Variants in SEC61A2 observed in about 807,000 individuals in gnomAD.
SEC61A2 encodes SEC61 translocon subunit alpha 2.
Under a neutral mutation model 59.9 loss-of-function variants are expected in SEC61A2, and 28 were observed. That is an observed-to-expected ratio of 0.47 (90% CI 0.35 to 0.64). The LOEUF is 0.64. Among genes scored for constraint, SEC61A2 ranks in the 30% least tolerant of loss-of-function variants. The probability of loss-of-function intolerance (pLI) is 0.01; values close to 1 mark genes in which losing one functional copy is unlikely to be tolerated. For synonymous variants in SEC61A2, 202 were observed against 214.4 expected, an observed-to-expected ratio of 0.94 and a Z score of 0.50; for missense variants, 340 against 585.9, an observed-to-expected ratio of 0.58 and a Z score of 4.33.
At chr10:12,144,941 T>C (rs1439087718) in intron 4 of SEC61A2, among the ~76,000 whole-genome samples, 3 of 151,600 alleles carry the variant, frequency 2.0e-5, no homozygotes, top group Non-Finnish European at 2.9e-5. Flanking sequence ...CCCAGCTACT[T>C]GGGAGGCTGA....
In SEC61A2 at chr10:12,143,266, A is replaced by C; in HGVS notation, c.220+71A>C. ...GATGGAAACATGTGGATTAGCAATG[A>C]GTTTTCAATGTCTACAGGGAGGGGG... On this transcript the variant is annotated intron_variant, in intron 4 of 11. Coordinates refer to ENST00000298428, the MANE Select transcript of SEC61A2 (RefSeq NM_018144.4). This position sits in a 1 kb window ranked among gnomAD's most constrained non-coding sequence, Gnocchi z 4.8. 9.0e-7 allele frequency: 1 copy of C among 1,105,654 alleles called. No homozygotes were observed. The highest frequency in any genetic ancestry group is 1.5e-5 in the African/African-American group (1 of 65,234). The allele number at this position is 1,105,654 out of a possible 1,614,324, so 68.5% of individuals were successfully genotyped here.
intron 8 of SEC61A2, among the ~76,000 whole-genome samples, 179 bp from the exon 9 acceptor site, chr10:12,157,729 C>T (rs1355769541): frequency 6.6e-6 from 1 of 152,126 alleles, no homozygotes; most frequent in Non-Finnish European, 1.5e-5. Context: ...TCTCGATCTC[C>T]TGACCTCGTG....
rs150464336 is a variant in SEC61A2, at chr10:12,150,571, T to G, written c.462+610T>G. On this transcript the variant is annotated intron_variant, in intron 6 of 11. Transcript: ENST00000298428. ...GTTTTTGTAAGTAGAAAATTAAAAT[T>G]CTTTGCAATAAGGTATTGTGCCATA... Among the ~76,000 whole-genome samples the G allele has an allele frequency of 1.9e-3, 290 of 152,370 alleles. 3 individuals are homozygous for G. The highest frequency in any genetic ancestry group is 6.6e-3 in the African/African-American group (273 of 41,582).
intron 3 of SEC61A2, among the ~76,000 whole-genome samples, chr10:12,139,104 G>A (rs9664990): frequency 0.17 from 25,362 of 151,988 alleles, 2,237 homozygotes; most frequent in Non-Finnish European, 0.2. Flanking sequence ...TGGGATTTCA[G>A]GCACGTGCTA....
Position 12,145,023 on chromosome 10 carries a change from G to A in SEC61A2, c.220+1828G>A, listed in dbSNP as rs910767820. Among the ~76,000 whole-genome samples, 2 of 151,876 alleles carry A rather than the reference G, an allele frequency of 1.3e-5. No homozygotes were observed. Among genetic ancestry groups the A allele is most frequent in the African/African-American group, 2.4e-5 (1 of 41,362 alleles). On this transcript the variant is annotated intron_variant, in intron 4 of 11. Coordinates refer to ENST00000298428, the MANE Select transcript of SEC61A2 (RefSeq NM_018144.4). The surrounding 1 kb of genome is among the most constrained non-coding windows in gnomAD (Gnocchi z 4.4). ...GAGATCACGCCACTGCACTCTAGCC[G>A]GGGCGACACAACCAGACCCTGTCTC...
chr10:12,161,377 G>A lies in SEC61A2; in HGVS notation c.1167+256G>A, dbSNP rs1027621153. Among the ~76,000 whole-genome samples, 6 of 152,198 alleles carry A rather than the reference G, an allele frequency of 3.9e-5. No homozygotes were observed. Among genetic ancestry groups the A allele is most frequent in the Non-Finnish European group, 8.8e-5 (6 of 68,036 alleles). ...GAGCAGTAACGCTTGAGTCCGGGAGGTGGAGGTTGCAGTGAGCCAAGATTG... is the reference window on the plus strand; with the variant it reads ...GAGCAGTAACGCTTGAGTCCGGGAGATGGAGGTTGCAGTGAGCCAAGATTG... On this transcript the variant is annotated intron_variant, in intron 10 of 11. Transcript: ENST00000298428. This position sits in a 1 kb window ranked among gnomAD's most constrained non-coding sequence, Gnocchi z 5.4.
chr10:12,143,969 C>T lies in SEC61A2; in HGVS notation c.220+774C>T, dbSNP rs2131660204. ...ACTTCAGCCTCCTGAGTAGCTGGGA[C>T]TACTGGTGCGTGCCACAATGCCTGG... On this transcript the variant is annotated intron_variant, in intron 4 of 11. Coordinates refer to ENST00000298428, the MANE Select transcript of SEC61A2 (RefSeq NM_018144.4). This position sits in a 1 kb window ranked among gnomAD's most constrained non-coding sequence, Gnocchi z 4.8. 6.6e-6 allele frequency among the ~76,000 whole-genome samples: 1 copy of T among 152,208 alleles called. No homozygotes were observed. Among genetic ancestry groups the T allele is most frequent in the South Asian group, 2.1e-4 (1 of 4,822 alleles).
downstream of SEC61A2, among the ~76,000 whole-genome samples, chr10:12,168,865 C>T (rs145605213): frequency 2.0e-4 from 31 of 152,182 alleles, no homozygotes; most frequent in African/African-American, 2.4e-4. This position sits in a 1 kb window ranked among gnomAD's most constrained non-coding sequence, Gnocchi z 4.8. Context: ...CGGGTTCAAG[C>T]GATTCTCCTG....
At chr10:12,159,831 A>C (rs898191974) in intron 9 of SEC61A2, among the ~76,000 whole-genome samples, 3 of 136,642 alleles carry the variant, frequency 2.2e-5, no homozygotes, top group Non-Finnish European at 5.1e-5. Context: ...CATTTGTCTT[A>C]ATATGCTTTT....
At position 12,153,540 on chromosome 10, in the gene SEC61A2, G is replaced by C. The variant is rs1477672535; in HGVS notation, c.463-2238G>C. ...TAAAATAGAGTTAAGCTATTTTGCT[G>C]TTCATTTTCAGTATTCAGAAATCAG... is the stretch of plus-strand genomic sequence containing the variant. On this transcript the variant is annotated intron_variant, in intron 6 of 11. Coordinates refer to ENST00000298428, the MANE Select transcript of SEC61A2 (RefSeq NM_018144.4). This position sits in a 1 kb window ranked among gnomAD's most constrained non-coding sequence, Gnocchi z 5.2. 1.3e-5 allele frequency among the ~76,000 whole-genome samples: 2 copies of C among 152,162 alleles called. No individual in the cohort carries two copies. The highest frequency in any genetic ancestry group is 2.9e-5 in the Non-Finnish European group (2 of 68,036).
intron 11 of SEC61A2, among the ~76,000 whole-genome samples, chr10:12,163,397 T>C (rs1347750907): frequency 6.9e-6 from 1 of 145,936 alleles, no homozygotes; most frequent in African/African-American, 2.5e-5. Context: ...CCGTCTTGGC[T>C]CACTGCAACC....
chr10:12,145,702 C>G lies in SEC61A2; in HGVS notation c.220+2507C>G, dbSNP rs368480224. ...CGTAGATGTGATGATTGGATCTTCACGCTCGTGTGTGAGATGTGCCTCTCT... is the reference window on the plus strand; with the variant it reads ...CGTAGATGTGATGATTGGATCTTCAGGCTCGTGTGTGAGATGTGCCTCTCT... On this transcript the variant is annotated intron_variant, in intron 4 of 11. Transcript: ENST00000298428. This position sits in a 1 kb window ranked among gnomAD's most constrained non-coding sequence, Gnocchi z 4.4. Among the ~76,000 whole-genome samples the G allele has an allele frequency of 3.3e-5, 5 of 152,154 alleles. No homozygotes were observed. Among genetic ancestry groups the G allele is most frequent in the East Asian group, 1.9e-4 (1 of 5,200 alleles).
rs1403911052 is a variant in SEC61A2, at chr10:12,142,256, A to G, written c.142-861A>G. On this transcript the variant is annotated intron_variant, in intron 3 of 11. Transcript: ENST00000298428. This position sits in a 1 kb window ranked among gnomAD's most constrained non-coding sequence, Gnocchi z 5.4. ...AGGGTTGAGCAGAAGTCAACATGGT[A>G]GATTAGCATCCAAGATGGAGTCACT... is the stretch of plus-strand genomic sequence containing the variant. 6.6e-6 allele frequency among the ~76,000 whole-genome samples: 1 copy of G among 152,214 alleles called. No homozygotes were observed. Among genetic ancestry groups the G allele is most frequent in the African/African-American group, 2.4e-5 (1 of 41,456 alleles).
chr10:12,135,985 A>G (rs1833873470), intron 2 of SEC61A2, 120 bp from the exon 3 acceptor site: 1 of 717,882 alleles, frequency 1.4e-6, no homozygotes, highest in Non-Finnish European at 2.5e-6. Flanking sequence ...TATAACACAT[A>G]ACGGACATTC....
Position 12,155,796 on chromosome 10 carries a change from A to G in SEC61A2, c.481A>G (p.Ile161Val), listed in dbSNP as rs191995375. 93 of 1,614,054 alleles carry G rather than the reference A, an allele frequency of 5.8e-5. No individual in the cohort carries two copies. Among genetic ancestry groups the G allele is most frequent in the Non-Finnish European group, 7.6e-5 (90 of 1,180,010 alleles). ...CCCACAGTTGTTTGTTGCTGGTTTG[A>G]TTGTGCTGCTGTTAGATGAGCTGCT... is the stretch of plus-strand genomic sequence containing the variant. ...IIIQLFVAGL[I>V]VLLLDELLQK... The change falls in exon 7 of 12, where the codon ATT becomes GTT. Residue 161 changes from isoleucine (I) to valine (V), a missense_variant. This residue lies in a region of SEC61A2 where 283 missense variants were observed against 483.2 expected (regional missense o/e 0.59). Transcript: ENST00000298428. The surrounding 1 kb of genome is among the most constrained non-coding windows in gnomAD (Gnocchi z 4.3).
intron 3 of SEC61A2, among the ~76,000 whole-genome samples, chr10:12,136,740 C>G (rs1294714378): frequency 6.6e-6 from 1 of 152,152 alleles, no homozygotes; most frequent in Non-Finnish European, 1.5e-5. Context: ...AGTGATTCTC[C>G]TGCCTCAGCC....
chr10:12,130,241 A>C (rs1262926362), intron 1 of SEC61A2, among the ~76,000 whole-genome samples: 1 of 152,124 alleles, frequency 6.6e-6, no homozygotes, highest in Non-Finnish European at 1.5e-5. Flanking sequence ...GGAGGAAAGG[A>C]GTGTGCATTG....
chr10:12,162,794 C>G lies in SEC61A2; in HGVS notation c.1244+505C>G, dbSNP rs1006905887. ...AAGAAACCCTGTACCTACTAGCCCA[C>G]CTTCCCAACCACCAGCCCCAGACAG... On this transcript the variant is annotated intron_variant, in intron 11 of 11. Transcript: ENST00000298428. The surrounding 1 kb of genome is among the most constrained non-coding windows in gnomAD (Gnocchi z 6.1). 6.6e-6 allele frequency among the ~76,000 whole-genome samples: 1 copy of G among 152,186 alleles called. No homozygotes were observed. Among genetic ancestry groups the G allele is most frequent in the Non-Finnish European group, 1.5e-5 (1 of 68,038 alleles).
Position 12,158,161 on chromosome 10 carries a change from G to A in SEC61A2, c.975+56G>A, listed in dbSNP as rs1465669267. ...AGTTTATTATAATTTGCATTTCATG[G>A]TTGTATTTTTAATGGAATGAGGTCG... is the stretch of plus-strand genomic sequence containing the variant. On this transcript the variant is annotated intron_variant, in intron 9 of 11. Transcript: ENST00000298428. The surrounding 1 kb of genome is among the most constrained non-coding windows in gnomAD (Gnocchi z 5.7). 1.4e-6 allele frequency: 2 copies of A among 1,398,638 alleles called. No individual in the cohort carries two copies. Among genetic ancestry groups the A allele is most frequent in the Non-Finnish European group, 2.0e-6 (2 of 1,006,770 alleles). The allele number at this position is 1,398,638 out of a possible 1,614,324, so 86.6% of individuals were successfully genotyped here.
Sources: allele counts gnomAD v4.1 joint callset (sites outside exome capture counted in the v4.1 genomes callset), GRCh38; gene constraint gnomAD v4.1.1; regional missense constraint gnomAD v4.1.1; non-coding constraint Gnocchi (gnomAD v3.1); transcripts MANE v1.5; gene names NCBI Gene and HGNC (gene_info 2026-07-23, HGNC 2026-07-21).